The following CSMD1 variants were observed in gnomAD, a reference collection of about 807,000 sequenced individuals.
CSMD1 encodes the protein CUB and sushi domain-containing protein 1.
CSMD1 carries 213 observed loss-of-function variants against 417.5 expected under a neutral mutation model. The ratio of observed to expected loss-of-function variants is 0.51; its 90% CI spans 0.46 to 0.57. CSMD1 has a LOEUF of 0.57. Among genes scored for constraint, CSMD1 ranks in the 20% least tolerant of loss-of-function variants. The pLI is 0.00. For missense variants in CSMD1, 6,923 were observed against 4,529.7 expected, an observed-to-expected ratio of 1.53 and a Z score of -15.17; for synonymous variants, 2,862 against 1,736.8, an observed-to-expected ratio of 1.65 and a Z score of -16.11.
At chr8:2,942,253 T>G (rs948542239) in intron 69 of CSMD1, among the ~76,000 whole-genome samples, 1 of 151,670 alleles carries the variant, frequency 6.6e-6, no homozygotes, top group Non-Finnish European at 1.5e-5. Context: ...GGTTGATCCA[T>G]GCAGCAGACC....
At chr8:4,305,084 A>T (rs551599523) in intron 3 of CSMD1, among the ~76,000 whole-genome samples, 1 of 152,328 alleles carries the variant, frequency 6.6e-6, no homozygotes, top group African/African-American at 2.4e-5. Flanking sequence ...ACAGAATCAC[A>T]ACAGGTTCCA....
intron 4 of CSMD1, among the ~76,000 whole-genome samples, chr8:4,018,829 G>C (rs1336596576): frequency 4.6e-5 from 7 of 152,132 alleles, no homozygotes; most frequent in Non-Finnish European, 1.0e-4. Flanking sequence ...GTGGGACCTT[G>C]GTGAAGTCAC....
intron 5 of CSMD1, among the ~76,000 whole-genome samples, chr8:3,906,845 T>G (rs921740824): frequency 6.6e-6 from 1 of 152,178 alleles, no homozygotes; most frequent in African/African-American, 2.4e-5. Flanking sequence ...GACAGCATTG[T>G]CATTTTGTAC....
At chr8:3,514,299 C>T (rs1481316888) in intron 10 of CSMD1, among the ~76,000 whole-genome samples, 1 of 152,202 alleles carries the variant, frequency 6.6e-6, no homozygotes, top group African/African-American at 2.4e-5. Flanking sequence ...GTCCTCAGTG[C>T]ATTGCAGCTA....
At chr8:4,784,892 G>A (rs746517271) in intron 1 of CSMD1, among the ~76,000 whole-genome samples, 5 of 152,112 alleles carry the variant, frequency 3.3e-5, no homozygotes, top group South Asian at 2.1e-4. Context: ...GCCCTTGAGC[G>A]AATCTCATAC....
intron 19 of CSMD1, among the ~76,000 whole-genome samples, chr8:3,367,828 T>C (rs1397414338): frequency 6.6e-6 from 1 of 152,150 alleles, no homozygotes; most frequent in Non-Finnish European, 1.5e-5. Flanking sequence ...CAGGTGAGAA[T>C]GTTTACAATG....
intron 2 of CSMD1, among the ~76,000 whole-genome samples, chr8:4,465,481 C>G (rs887133507): frequency 2.6e-5 from 4 of 152,140 alleles, no homozygotes; most frequent in African/African-American, 9.7e-5. Context: ...CAAGATGGTT[C>G]GTCGTCCTCC....
chr8:3,691,316 G>A (rs927497014), intron 7 of CSMD1, among the ~76,000 whole-genome samples: 10 of 151,896 alleles, frequency 6.6e-5, no homozygotes, highest in Non-Finnish European at 1.0e-4. Context: ...GCAGTGAGCC[G>A]GGATCGTGCC....
chr8:3,987,335 G>A (rs1360895595), intron 5 of CSMD1, among the ~76,000 whole-genome samples: 1 of 152,144 alleles, frequency 6.6e-6, no homozygotes, highest in African/African-American at 2.4e-5. Flanking sequence ...TCCAAGTACC[G>A]ACAGCATCTT....
chr8:4,928,016 G>C (rs919217905), intron 1 of CSMD1, among the ~76,000 whole-genome samples: 1 of 152,212 alleles, frequency 6.6e-6, no homozygotes, highest in Non-Finnish European at 1.5e-5. Flanking sequence ...CATCCTCAGC[G>C]GCAAAAGTAG....
At chr8:3,028,243 C>A (rs1810089651) in intron 51 of CSMD1, among the ~76,000 whole-genome samples, 1 of 152,188 alleles carries the variant, frequency 6.6e-6, no homozygotes, top group African/African-American at 2.4e-5. Context: ...GTTCCTGACT[C>A]CTTCTCCTAA....
At chr8:4,686,771 C>G (rs1338799400) in intron 1 of CSMD1, among the ~76,000 whole-genome samples, 1 of 152,192 alleles carries the variant, frequency 6.6e-6, no homozygotes, top group Non-Finnish European at 1.5e-5. Context: ...AAGAAAAGAT[C>G]CTTCTCCTTC....
chr8:3,000,377 T>A (rs1297623150), intron 52 of CSMD1, among the ~76,000 whole-genome samples: 2 of 151,994 alleles, frequency 1.3e-5, no homozygotes, highest in Non-Finnish European at 2.9e-5. Context: ...TAGTTGTGAT[T>A]TTCCCATCTA....
chr8:3,301,825 T>C (rs2117344782), intron 25 of CSMD1, among the ~76,000 whole-genome samples: 1 of 152,250 alleles, frequency 6.6e-6, no homozygotes, highest in South Asian at 2.1e-4. Context: ...GGAAGGTCAG[T>C]TGAGAGAAGA....
chr8:3,505,785 G>C (rs1279223776), intron 10 of CSMD1, among the ~76,000 whole-genome samples: 1 of 152,158 alleles, frequency 6.6e-6, no homozygotes, highest in South Asian at 2.1e-4. Context: ...TGAGAAGGAA[G>C]AGAAAATATT....
chr8:4,033,802 A>T (rs1302684067), intron 3 of CSMD1, among the ~76,000 whole-genome samples: 2 of 152,176 alleles, frequency 1.3e-5, no homozygotes, highest in African/African-American at 4.8e-5. Context: ...TCTCTATCTA[A>T]ATCAATTGAC....
Position 3,311,931 on chromosome 8 carries a change from T to C in CSMD1, c.3632-3428A>G, listed in dbSNP as rs552128964. Among the ~76,000 whole-genome samples the C allele has an allele frequency of 2.0e-5, 3 of 152,318 alleles. No individual in the cohort carries two copies. In the South Asian group the frequency reaches 6.2e-4, roughly 32 times the overall value. The stretch of plus-strand genomic sequence containing the variant: ...CTTTAAACGTTATCCAGAATATGCC[T>C]CTATGTTCAGAAATCATGGCTTTTA... On this transcript the variant is annotated intron_variant, in intron 23 of 69. Transcript: ENST00000635120.
At chr8:4,275,913 G>C (rs1368546445) in intron 3 of CSMD1, among the ~76,000 whole-genome samples, 2 of 152,184 alleles carry the variant, frequency 1.3e-5, no homozygotes, top group Non-Finnish European at 2.9e-5. Context: ...AAACAGGATT[G>C]TTTAAATGAT....
intron 3 of CSMD1, among the ~76,000 whole-genome samples, chr8:4,107,664 A>T (rs1276476244): frequency 6.6e-6 from 1 of 152,260 alleles, no homozygotes; most frequent in African/African-American, 2.4e-5. Flanking sequence ...TTGAAGTACA[A>T]TCCATCATCT....
Sources: gnomAD v4.1 joint callset for allele counts (sites outside exome capture counted in the v4.1 genomes callset) on GRCh38, gnomAD v4.1.1 for gene constraint, MANE v1.5 for transcripts, NCBI Gene and HGNC (gene_info 2026-07-23, HGNC 2026-07-21) for gene names.